Variants in KLF12 observed in about 807,000 individuals in gnomAD.
The protein encoded by KLF12 is KLF transcription factor 12, also known as Krueppel-like factor 12.
Under a neutral mutation model 37.8 loss-of-function variants are expected in KLF12, and 9 were observed. That is an observed-to-expected ratio of 0.24 (90% CI 0.14 to 0.42). The LOEUF is 0.42. Among genes scored for constraint, KLF12 ranks in the 10% least tolerant of loss-of-function variants. The pLI is 1.00. For synonymous variants in KLF12, 208 were observed against 202.1 expected, an observed-to-expected ratio of 1.03 and a Z score of -0.25; for missense variants, 411 against 516.0, an observed-to-expected ratio of 0.80 and a Z score of 1.97.
At chr13:73,912,504 C>T (rs1029760853) in intron 3 of KLF12, among the ~76,000 whole-genome samples, 6 of 152,072 alleles carry the variant, frequency 3.9e-5, no homozygotes, top group Non-Finnish European at 8.8e-5. Context: ...CACAGAGACA[C>T]ACAAGGAGAA....
intron 2 of KLF12, among the ~76,000 whole-genome samples, chr13:73,975,676 T>C (rs7333855): frequency 0.84 from 128,186 of 152,102 alleles, 54,605 homozygotes; most frequent in Middle Eastern, 0.92. Flanking sequence ...TGGGCTCCTC[T>C]TCCCTTCAAC....
chr13:73,708,314 C>G (rs541030724), intron 7 of KLF12, among the ~76,000 whole-genome samples: 13 of 152,236 alleles, frequency 8.5e-5, no homozygotes, highest in African/African-American at 3.1e-4. Context: ...TATCAGAGAA[C>G]AGTATGTCAA....
At chr13:74,170,357 G>A in the KLF12 span, among the ~76,000 whole-genome samples, 5 of 151,952 alleles carry the variant, frequency 3.3e-5, no homozygotes, top group Admixed American at 1.3e-4. Flanking sequence ...ATTTATAAAG[G>A]CTTTTATATA....
intron 2 of KLF12, among the ~76,000 whole-genome samples, chr13:73,945,574 A>G (rs1890386323): frequency 6.6e-6 from 1 of 152,178 alleles, no homozygotes; most frequent in African/African-American, 2.4e-5. Flanking sequence ...ACTATTTCTC[A>G]TATTTCTTGA....
intron 3 of KLF12, among the ~76,000 whole-genome samples, chr13:73,937,905 C>T (rs1028257435): frequency 3.3e-5 from 5 of 151,540 alleles, no homozygotes; most frequent in South Asian, 2.1e-4. Context: ...TATTTCTTTC[C>T]GCTTAAAAAA....
chr13:74,037,420 C>T (rs1385233780), intron 1 of KLF12, among the ~76,000 whole-genome samples: 2 of 152,102 alleles, frequency 1.3e-5, no homozygotes, highest in African/African-American at 2.4e-5. Flanking sequence ...CCCATGCCTA[C>T]CACATGCATC....
At chr13:74,002,307 T>C (rs1892300456) in intron 1 of KLF12, among the ~76,000 whole-genome samples, 1 of 152,260 alleles carries the variant, frequency 6.6e-6, no homozygotes, top group South Asian at 2.1e-4. Flanking sequence ...CATTACTACA[T>C]AATCCCAGAA....
At chr13:73,800,666 A>C (rs1290615509) in intron 5 of KLF12, 2 of 152,064 alleles carry the variant, frequency 1.3e-5, no homozygotes, top group African/African-American at 4.8e-5. Flanking sequence ...TAGGTTGACA[A>C]AATAATCATT....
intron 4 of KLF12, among the ~76,000 whole-genome samples, chr13:73,823,329 CTA>C (rs1883641716): frequency 6.6e-6 from 1 of 150,702 alleles, no homozygotes; most frequent in African/African-American, 2.4e-5. Flanking sequence ...TTTATATCAA[CTA>C]TGCTATATAC....
At chr13:74,272,927 A>T in the KLF12 span, among the ~76,000 whole-genome samples, 7 of 152,138 alleles carry the variant, frequency 4.6e-5, no homozygotes, top group African/African-American at 9.7e-5. Context: ...GAATAAAAGT[A>T]AAAGCTTAAA....
chr13:73,766,441 G>A (rs1407953038), intron 5 of KLF12, among the ~76,000 whole-genome samples: 1 of 152,162 alleles, frequency 6.6e-6, no homozygotes, highest in East Asian at 1.9e-4. Flanking sequence ...AAGGCAGCAA[G>A]CGTAATTTTT....
chr13:74,257,684 T>G, the KLF12 span: 1 of 152,196 alleles, frequency 6.6e-6, no homozygotes, highest in Non-Finnish European at 1.5e-5. Flanking sequence ...TTAATTCAGT[T>G]ATATAATTAT....
intron 6 of KLF12, among the ~76,000 whole-genome samples, chr13:73,762,781 A>C (rs551483042): frequency 1.3e-5 from 2 of 152,204 alleles, no homozygotes; most frequent in East Asian, 1.9e-4. Flanking sequence ...CCAATATTTC[A>C]CTAAGAAATA....
At chr13:73,810,880 T>A (rs1157641767) in intron 5 of KLF12, among the ~76,000 whole-genome samples, 1 of 151,998 alleles carries the variant, frequency 6.6e-6, no homozygotes, top group African/African-American at 2.4e-5. Flanking sequence ...ATCTCTTGGA[T>A]TCAGTGTCTA....
the KLF12 span, among the ~76,000 whole-genome samples, chr13:74,203,185 T>C: frequency 6.6e-6 from 1 of 152,056 alleles, no homozygotes; most frequent in African/African-American, 2.4e-5. Flanking sequence ...ATCTAAGAGA[T>C]GATATCTCTT....
chr13:74,042,303 C>CAAA (rs547433221), intron 1 of KLF12, among the ~76,000 whole-genome samples: 3 of 74,528 alleles, frequency 4.0e-5, no homozygotes, highest in African/African-American at 8.6e-5. Flanking sequence ...GACTCCATCT[C>CAAA]AAAAAAAAAA....
intron 1 of KLF12, among the ~76,000 whole-genome samples, chr13:74,018,540 A>C (rs1892760387): frequency 6.6e-6 from 1 of 152,222 alleles, no homozygotes; most frequent in African/African-American, 2.4e-5. Flanking sequence ...TCAAAACATC[A>C]TGTTGTAAAT....
intron 1 of KLF12, among the ~76,000 whole-genome samples, chr13:74,002,209 C>G (rs1892298428): frequency 1.3e-5 from 2 of 152,194 alleles, no homozygotes; most frequent in South Asian, 4.1e-4. Context: ...CAACACACAG[C>G]TAGCTGTCAT....
At chr13:74,051,441 T>G (rs893596983) in intron 1 of KLF12, among the ~76,000 whole-genome samples, 1 of 150,896 alleles carries the variant, frequency 6.6e-6, no homozygotes, top group African/African-American at 2.4e-5. Context: ...TCAGGCAAAC[T>G]GGAAAGTATG....
Sources: allele counts gnomAD v4.1 joint callset (sites outside exome capture counted in the v4.1 genomes callset), GRCh38; gene constraint gnomAD v4.1.1; transcripts MANE v1.5; gene names NCBI Gene and HGNC (gene_info 2026-07-23, HGNC 2026-07-21).